Variants in LMBR1 observed in about 807,000 individuals in gnomAD.
LMBR1 encodes the protein limb region 1 protein homolog.
LMBR1 carries 52 observed loss-of-function variants against 73.9 expected under a neutral mutation model. That is an observed-to-expected ratio of 0.70 (90% CI 0.56 to 0.89). The LOEUF (loss-of-function observed/expected upper bound fraction) is 0.89, where lower values mean the gene tolerates loss of function less well. Ranked by LOEUF, LMBR1 falls within the 40% of genes least tolerant of loss-of-function variation. The pLI is 0.00. For missense variants in LMBR1, 539 were observed against 579.8 expected (o/e 0.93, Z 0.72); for synonymous variants, 215 against 209.4 (o/e 1.03, Z -0.23).
intron 5 of LMBR1, among the ~76,000 whole-genome samples, chr7:156,775,122 C>T (rs1010733859): frequency 3.9e-5 from 6 of 152,182 alleles, no homozygotes; most frequent in Non-Finnish European, 7.4e-5. Context: ...AATCCCAGCA[C>T]TCTGGGAAGC....
intron 9 of LMBR1, among the ~76,000 whole-genome samples, chr7:156,744,038 G>GAGGGAA (rs1819385549): frequency 1.3e-5 from 2 of 152,228 alleles, no homozygotes; most frequent in African/African-American, 2.4e-5. Flanking sequence ...ATGAGGGAAT[G>GAGGGAA]CATAACAGAT....
chr7:156,818,370 CTG>C (rs1376716079), intron 4 of LMBR1, among the ~76,000 whole-genome samples: 2 of 152,306 alleles, frequency 1.3e-5, no homozygotes, highest in East Asian at 3.9e-4. Flanking sequence ...CAATCTCAAA[CTG>C]GGCATTCATG....
At chr7:156,739,385 T>G (rs1818479178) in intron 9 of LMBR1, among the ~76,000 whole-genome samples, 1 of 152,202 alleles carries the variant, frequency 6.6e-6, no homozygotes, top group South Asian at 2.1e-4. Context: ...CCCTGAAGGT[T>G]AGGACACAAA....
At chr7:156,787,232 G>A (rs1018276564) in intron 5 of LMBR1, among the ~76,000 whole-genome samples, 2 of 152,070 alleles carry the variant, frequency 1.3e-5, no homozygotes, top group Admixed American at 6.5e-5. Flanking sequence ...AAGGTCCCAC[G>A]TTACCTTGTG....
chr7:156,889,650 T>C (rs1669382662), intron 1 of LMBR1, among the ~76,000 whole-genome samples: 1 of 152,140 alleles, frequency 6.6e-6, no homozygotes, highest in African/African-American at 2.4e-5. Context: ...AACTCCATAA[T>C]CGGTACCAAA....
chr7:156,674,332 C>G (rs561451969), downstream of LMBR1, among the ~76,000 whole-genome samples: 7 of 152,242 alleles, frequency 4.6e-5, no homozygotes, highest in Non-Finnish European at 8.8e-5. Flanking sequence ...CGTGGCCCCA[C>G]CTGGGCATGG....
At chr7:156,810,297 A>G (rs1489667193) in intron 4 of LMBR1, among the ~76,000 whole-genome samples, 1 of 151,948 alleles carries the variant, frequency 6.6e-6, no homozygotes, top group Non-Finnish European at 1.5e-5. Context: ...GAACTCACTC[A>G]CCCACCTCCC....
chr7:156,844,142 T>C (rs886076552), intron 1 of LMBR1, among the ~76,000 whole-genome samples: 1 of 151,912 alleles, frequency 6.6e-6, no homozygotes, highest in African/African-American at 2.4e-5. Flanking sequence ...CTGGCCAACA[T>C]GGAGAAACCC....
chr7:156,765,226 C>T (rs556799213), intron 5 of LMBR1, among the ~76,000 whole-genome samples: 1 of 152,260 alleles, frequency 6.6e-6, no homozygotes, highest in East Asian at 1.9e-4. Context: ...ATTGTAATTC[C>T]CATAATCCCC....
intron 15 of LMBR1, among the ~76,000 whole-genome samples, chr7:156,697,943 C>A (rs1808684846): frequency 6.6e-6 from 1 of 152,192 alleles, no homozygotes; most frequent in African/African-American, 2.4e-5. Flanking sequence ...AAAATGAGAT[C>A]TTCACAATTT....
intron 3 of LMBR1, among the ~76,000 whole-genome samples, chr7:156,829,098 G>A (rs559010927): frequency 1.4e-4 from 21 of 152,288 alleles, no homozygotes; most frequent in Admixed American, 5.9e-4. Context: ...CCCAGCCAAC[G>A]GGGAAAGCAT....
At chr7:156,759,004 C>T (rs1194227610) in intron 8 of LMBR1, among the ~76,000 whole-genome samples, 2 of 152,182 alleles carry the variant, frequency 1.3e-5, no homozygotes, top group Admixed American at 6.5e-5. Context: ...CTACTATGGG[C>T]TAATGGGGGC....
intron 4 of LMBR1, among the ~76,000 whole-genome samples, chr7:156,808,459 C>T (rs187532313): frequency 1.3e-5 from 2 of 152,220 alleles, no homozygotes; most frequent in East Asian, 3.9e-4. Context: ...CTGCCATTGA[C>T]CTAGTTTTGT....
chr7:156,738,610 T>G (rs1174306185), intron 9 of LMBR1, among the ~76,000 whole-genome samples: 1 of 152,204 alleles, frequency 6.6e-6, no homozygotes, highest in Non-Finnish European at 1.5e-5. Context: ...AACTTTGTCT[T>G]GCATTTTGGA....
chr7:156,728,570 G>A, intron 11 of LMBR1, 74 bp downstream of exon 11: 2 of 988,340 alleles, frequency 2.0e-6, no homozygotes, highest in Non-Finnish European at 3.1e-6. Flanking sequence ...TTAGCTGAGG[G>A]AGCTGCCATA....
downstream of LMBR1, chr7:156,676,915 A>C (rs1016221724): frequency 4.7e-6 from 2 of 427,694 alleles, no homozygotes; most frequent in African/African-American, 3.9e-5. Context: ...GAGCTTGCTT[A>C]CTTCTAAAAA....
At chr7:156,765,754 T>C (rs1282745966) in intron 5 of LMBR1, among the ~76,000 whole-genome samples, 3 of 152,208 alleles carry the variant, frequency 2.0e-5, no homozygotes, top group South Asian at 2.1e-4. Context: ...CTCTCAATCC[T>C]GTCTTTCCCT....
intron 7 of LMBR1, 111 bp from the exon 8 acceptor site, chr7:156,762,309 A>G: frequency 1.4e-6 from 1 of 701,038 alleles, no homozygotes. Context: ...TCATTTTAAG[A>G]ACATTCTTCT....
At position 156,756,479 on chromosome 7, in the gene LMBR1, T is replaced by C. The variant is rs773708683; in HGVS notation, c.685-14A>G. ...GTCTTCAAGAATCTAAATTTAAAGATAAAACTATTCAATAATTCAACGTTA... is the reference window on the plus strand; with the variant it reads ...GTCTTCAAGAATCTAAATTTAAAGACAAAACTATTCAATAATTCAACGTTA... On this transcript the variant is annotated splice_polypyrimidine_tract_variant and intron_variant, in intron 8 of 16. Transcript: ENST00000353442. The C allele has an allele frequency of 8.3e-7, 1 of 1,206,996 alleles. No homozygotes were observed. Among genetic ancestry groups the C allele is most frequent in the Admixed American group, 1.9e-5 (1 of 51,302 alleles). 74.8% of individuals were successfully genotyped at this position (1,206,996 alleles called of 1,614,324 possible). A position where few individuals can be genotyped will look rare whatever the true frequency, so the allele number is the denominator to read the frequency against.
Sources: allele counts gnomAD v4.1 joint callset (sites outside exome capture counted in the v4.1 genomes callset), GRCh38; gene constraint gnomAD v4.1.1; transcripts MANE v1.5; gene names NCBI Gene and HGNC (gene_info 2026-07-23, HGNC 2026-07-21).